TMEM117: variants seen among roughly 807,000 people sequenced by gnomAD.
The protein encoded by TMEM117 is transmembrane protein 117.
TMEM117 carries 27 observed loss-of-function variants against 52.4 expected under a neutral mutation model. The observed-to-expected ratio is 0.51, with a 90% confidence interval of 0.38 to 0.71. The LOEUF (loss-of-function observed/expected upper bound fraction) is 0.71. Among genes scored for constraint, TMEM117 ranks in the 30% least tolerant of loss-of-function variants. The pLI, the probability that TMEM117 is intolerant of heterozygous loss-of-function variation, is 0.00. For synonymous variants in TMEM117, 215 were observed against 206.3 expected (o/e 1.04, Z -0.36); for missense variants, 556 against 630.5 (o/e 0.88, Z 1.26).
At chr12:44,059,120 A>G (rs767722729) in intron 3 of TMEM117, among the ~76,000 whole-genome samples, 3 of 152,162 alleles carry the variant, frequency 2.0e-5, no homozygotes, top group Non-Finnish European at 4.4e-5. Context: ...TGCTGATCTG[A>G]CAGGAAGTGG....
At chr12:44,323,774 G>T (rs1010456902) in intron 6 of TMEM117, among the ~76,000 whole-genome samples, 3 of 152,068 alleles carry the variant, frequency 2.0e-5, no homozygotes, top group Non-Finnish European at 2.9e-5. Context: ...ACTACGGTGT[G>T]TCCCACTTTG....
intron 5 of TMEM117, among the ~76,000 whole-genome samples, chr12:44,231,547 C>T (rs533746646): frequency 6.6e-6 from 1 of 151,816 alleles, no homozygotes; most frequent in South Asian, 2.1e-4. Context: ...ACTAGATAAT[C>T]TCTACAGCTT....
At chr12:44,313,602 G>A (rs1951018166) in intron 6 of TMEM117, among the ~76,000 whole-genome samples, 1 of 152,028 alleles carries the variant, frequency 6.6e-6, no homozygotes, top group African/African-American at 2.4e-5. Context: ...CTCTCTTTTG[G>A]TTCAATATGA....
intron 6 of TMEM117, among the ~76,000 whole-genome samples, chr12:44,372,234 C>T (rs1951873761): frequency 2.0e-5 from 3 of 152,184 alleles, no homozygotes; most frequent in African/African-American, 7.2e-5. Flanking sequence ...TATACAATCC[C>T]AGGATTAGCC....
intron 3 of TMEM117, among the ~76,000 whole-genome samples, chr12:44,128,621 G>C (rs1033193191): frequency 6.6e-6 from 1 of 152,082 alleles, no homozygotes; most frequent in Non-Finnish European, 1.5e-5. Context: ...TTCTTTCAGG[G>C]CTGGGTATGC....
chr12:43,890,252 G>C (rs774432450), intron 2 of TMEM117, among the ~76,000 whole-genome samples: 1 of 152,000 alleles, frequency 6.6e-6, no homozygotes, highest in Admixed American at 6.5e-5. Context: ...TTAATTTTTG[G>C]TATTTTCCTT....
chr12:43,866,852 A>T (rs1028678834), intron 2 of TMEM117, among the ~76,000 whole-genome samples: 5 of 152,214 alleles, frequency 3.3e-5, no homozygotes, highest in African/African-American at 1.2e-4. Flanking sequence ...ACACTTTGGG[A>T]GGCTGAGGCG....
intron 6 of TMEM117, among the ~76,000 whole-genome samples, chr12:44,367,971 C>A (rs1951812630): frequency 1.3e-5 from 2 of 152,048 alleles, no homozygotes; most frequent in African/African-American, 4.8e-5. Flanking sequence ...GATTTTTACC[C>A]CTCCTACAGT....
At chr12:43,984,489 A>AGATGAACACCTGACTCTTTCCT (rs1945814292) in intron 3 of TMEM117, among the ~76,000 whole-genome samples, 1 of 152,216 alleles carries the variant, frequency 6.6e-6, no homozygotes, top group African/African-American at 2.4e-5. Context: ...TGTTTTCATC[A>AGATGAACACCTGACTCTTTCCT]GATGAACACC....
At chr12:44,190,210 A>G (rs1265154160) in intron 4 of TMEM117, among the ~76,000 whole-genome samples, 1 of 152,226 alleles carries the variant, frequency 6.6e-6, no homozygotes, top group African/African-American at 2.4e-5. Flanking sequence ...GGTTTTGGGA[A>G]AGGCAACTTT....
At chr12:44,114,489 T>C (rs1948100362) in intron 3 of TMEM117, among the ~76,000 whole-genome samples, 1 of 152,186 alleles carries the variant, frequency 6.6e-6, no homozygotes, top group African/African-American at 2.4e-5. Context: ...AGAACCTTTT[T>C]CTGTATAGCT....
chr12:44,140,950 T>C (rs952947908), intron 3 of TMEM117, among the ~76,000 whole-genome samples: 3 of 152,142 alleles, frequency 2.0e-5, no homozygotes, highest in South Asian at 2.1e-4. Flanking sequence ...CTGTGTGTCA[T>C]GCTGTCTTCT....
chr12:43,930,573 C>G (rs1944855476), intron 2 of TMEM117, among the ~76,000 whole-genome samples: 3 of 152,158 alleles, frequency 2.0e-5, no homozygotes, highest in South Asian at 4.2e-4. Context: ...CTTGGCCTTT[C>G]AAGTCTTGCC....
At chr12:43,939,050 GAAGCCAATAAAGA>G (rs1288800489) in intron 2 of TMEM117, among the ~76,000 whole-genome samples, 6 of 151,902 alleles carry the variant, frequency 3.9e-5, no homozygotes, top group Non-Finnish European at 2.9e-5. Context: ...ATGTGAGAAG[GAAGCCAATAAAGA>G]ATCCTTATAA....
At chr12:44,361,260 A>G (rs1175814788) in intron 6 of TMEM117, among the ~76,000 whole-genome samples, 1 of 152,176 alleles carries the variant, frequency 6.6e-6, no homozygotes, top group Non-Finnish European at 1.5e-5. Flanking sequence ...CTCCTGTAAT[A>G]CAGTGATGAG....
intron 3 of TMEM117, among the ~76,000 whole-genome samples, chr12:44,141,257 A>G (rs1350817516): frequency 1.3e-5 from 2 of 152,128 alleles, no homozygotes; most frequent in Non-Finnish European, 2.9e-5. Context: ...TTTTAAGTTC[A>G]GGAGTACATG....
At chr12:44,045,247 A>G (rs1358694097) in intron 3 of TMEM117, among the ~76,000 whole-genome samples, 1 of 152,198 alleles carries the variant, frequency 6.6e-6, no homozygotes, top group Non-Finnish European at 1.5e-5. Flanking sequence ...TGACCTGGTT[A>G]CAGCCACTGC....
chr12:44,333,297 G>A (rs1527318), intron 6 of TMEM117, among the ~76,000 whole-genome samples: 100,639 of 151,488 alleles, frequency 0.66, 34,338 homozygotes, highest in East Asian at 0.9. Flanking sequence ...GGCATAAAAT[G>A]TGGTGGATAA....
chr12:43,836,901 G>A (rs1943040868), intron 1 of TMEM117, among the ~76,000 whole-genome samples: 1 of 151,978 alleles, frequency 6.6e-6, no homozygotes, highest in Admixed American at 6.6e-5. Context: ...TGAATATAAG[G>A]GTATGTATTG....
Sources: allele counts gnomAD v4.1 joint callset (sites outside exome capture counted in the v4.1 genomes callset), GRCh38; gene constraint gnomAD v4.1.1; transcripts MANE v1.5; gene names NCBI Gene and HGNC (gene_info 2026-07-23, HGNC 2026-07-21).